Variants in RYR2 observed in about 807,000 individuals in gnomAD.
RYR2 encodes the protein ryanodine receptor 2, also known as cardiac muscle ryanodine receptor-calcium release channel.
A neutral mutation model predicts 601.1 loss-of-function variants in RYR2; 227 were observed. The observed-to-expected ratio is 0.38, with a 90% CI of 0.34 to 0.42. The LOEUF (loss-of-function observed/expected upper bound fraction) is 0.42. Among genes scored for constraint, RYR2 ranks in the 10% least tolerant of loss-of-function variants. RYR2 has a pLI of 1.00. For synonymous variants in RYR2, 2,223 were observed against 2,175.1 expected (o/e 1.02, Z -0.61); for missense variants, 4,646 against 6,156.5 (o/e 0.75, Z 8.21).
intron 46 of RYR2, among the ~76,000 whole-genome samples, chr1:237,639,711 A>G (rs1681261541): frequency 6.6e-6 from 1 of 152,168 alleles, no homozygotes; most frequent in South Asian, 2.1e-4. Flanking sequence ...TCTTACATTT[A>G]TCTGTAGGTA....
chr1:237,737,429 C>T (rs985963238), intron 79 of RYR2, among the ~76,000 whole-genome samples: 1 of 152,172 alleles, frequency 6.6e-6, no homozygotes, highest in Non-Finnish European at 1.5e-5. Flanking sequence ...ACCTCACCTG[C>T]GTAGTGTGTA....
At chr1:237,493,189 C>A in intron 19 of RYR2, 102 bp downstream of exon 19, 1 of 1,258,170 alleles carries the variant, frequency 7.9e-7, no homozygotes, top group Non-Finnish European at 1.1e-6. Context: ...TAAATTAGAC[C>A]ATATAGTATT....
Position 237,660,963 on chromosome 1 carries a change from G to C in RYR2, c.8436+16G>C. The C allele has an allele frequency of 7.3e-7, 1 of 1,360,918 alleles. No homozygotes were observed. Among genetic ancestry groups the C allele is most frequent in the Non-Finnish European group, 9.6e-7 (1 of 1,046,220 alleles). The allele number at this position is 1,360,918 out of a possible 1,614,324, so 84.3% of individuals were successfully genotyped here. ...GACAAGCCAGGTAAGAATTCATCACGGTGATGAATCAACTGTTTATGTTAT... is the reference window on the plus strand; with the variant it reads ...GACAAGCCAGGTAAGAATTCATCACCGTGATGAATCAACTGTTTATGTTAT... On this transcript the variant is annotated intron_variant, in intron 56 of 104. Transcript: ENST00000366574.
intron 1 of RYR2, among the ~76,000 whole-genome samples, chr1:237,200,066 A>G (rs150837493): frequency 2.0e-5 from 3 of 152,272 alleles, no homozygotes; most frequent in Non-Finnish European, 4.4e-5. Context: ...GTCTGTTACT[A>G]TCATCACTCT....
chr1:237,283,552 A>T (rs10802596), intron 2 of RYR2, among the ~76,000 whole-genome samples: 72,119 of 151,882 alleles, frequency 0.47, 19,136 homozygotes, highest in East Asian at 0.77. Flanking sequence ...TTTTGACTGG[A>T]TTTCCTTATT....
intron 17 of RYR2, 74 bp downstream of exon 17, chr1:237,469,261 A>C (rs1196455907): frequency 2.6e-5 from 14 of 542,574 alleles, no homozygotes; most frequent in South Asian, 6.5e-5. Context: ...TTTAAGACAA[A>C]AAAAAAAAAA....
chr1:237,082,045 C>A (rs1665751232), intron 1 of RYR2, among the ~76,000 whole-genome samples: 1 of 152,164 alleles, frequency 6.6e-6, no homozygotes, highest in Admixed American at 6.5e-5. Flanking sequence ...CCTAGTGACA[C>A]CCTGTGTCAG....
At chr1:237,203,724 A>G (rs1404568395) in intron 1 of RYR2, among the ~76,000 whole-genome samples, 4 of 152,208 alleles carry the variant, frequency 2.6e-5, no homozygotes, top group African/African-American at 7.2e-5. Flanking sequence ...AATTTACACA[A>G]AGGAAAATAT....
chr1:237,213,926 T>C (rs1259188920), intron 1 of RYR2, among the ~76,000 whole-genome samples: 2 of 141,012 alleles, frequency 1.4e-5, no homozygotes, highest in African/African-American at 2.6e-5. Flanking sequence ...TTTTTTTTTT[T>C]TTTTTTTTTT....
At chr1:237,457,955 C>G (rs949167895) in intron 16 of RYR2, among the ~76,000 whole-genome samples, 1 of 152,010 alleles carries the variant, frequency 6.6e-6, no homozygotes, top group Non-Finnish European at 1.5e-5. Context: ...TATATGAGGC[C>G]CCAGTTAACC....
intron 2 of RYR2, among the ~76,000 whole-genome samples, chr1:237,282,997 T>A (rs1041506212): frequency 2.0e-5 from 3 of 152,170 alleles, no homozygotes; most frequent in Non-Finnish European, 2.9e-5. Flanking sequence ...CTGTTGCCAC[T>A]TGCCAATTTG....
At chr1:237,817,853 A>G (rs1025312368) in intron 100 of RYR2, among the ~76,000 whole-genome samples, 2 of 152,212 alleles carry the variant, frequency 1.3e-5, no homozygotes, top group African/African-American at 2.4e-5. Context: ...GCAACTAACT[A>G]GGTTTTGAAT....
intron 90 of RYR2, 82 bp downstream of exon 90, chr1:237,785,054 C>CTAGTGCCAGAACGGTGT (rs1156724612): frequency 1.0e-6 from 1 of 1,003,016 alleles, no homozygotes; most frequent in Non-Finnish European, 1.5e-6. Flanking sequence ...AGGTTTCATG[C>CTAGTGCCAGAACGGTGT]TAGTGCCAGA....
At chr1:237,113,234 T>C (rs1669696820) in intron 1 of RYR2, among the ~76,000 whole-genome samples, 1 of 152,166 alleles carries the variant, frequency 6.6e-6, no homozygotes, top group East Asian at 1.9e-4. Context: ...AATCTCACTC[T>C]GTCGCCCAGA....
chr1:237,176,444 T>A (rs1275214659), intron 1 of RYR2, among the ~76,000 whole-genome samples: 6 of 151,764 alleles, frequency 4.0e-5, no homozygotes, highest in Non-Finnish European at 7.4e-5. Flanking sequence ...TAAACATGTA[T>A]GGTTCTTATG....
chr1:237,485,975 TGGA>T (rs547913536), intron 17 of RYR2, among the ~76,000 whole-genome samples: 113 of 152,134 alleles, frequency 7.4e-4, no homozygotes, highest in Non-Finnish European at 1.2e-3. Flanking sequence ...GAGGAGAAAC[TGGA>T]GGAGAGGATA....
chr1:237,687,366 C>CT (rs10679267), intron 62 of RYR2, 89 bp from the exon 63 acceptor site: 90,006 of 255,990 alleles, frequency 0.35, 13,478 homozygotes, highest in African/African-American at 0.53. Flanking sequence ...TTTTCTTCTT[C>CT]TTTTTTTTTT....
chr1:237,793,831 T>C (rs1264112044), intron 94 of RYR2, 36 bp from the exon 95 acceptor site: 1 of 1,522,112 alleles, frequency 6.6e-7, no homozygotes, highest in East Asian at 2.3e-5. Flanking sequence ...CCAGTAAATC[T>C]AAACTAATTT....
intron 1 of RYR2, among the ~76,000 whole-genome samples, chr1:237,145,526 T>C (rs1673912407): frequency 6.6e-6 from 1 of 152,222 alleles, no homozygotes; most frequent in African/African-American, 2.4e-5. Flanking sequence ...ATGGAATTAC[T>C]GGGCTGTTTT....
Sources: gnomAD v4.1 joint callset for allele counts (sites outside exome capture counted in the v4.1 genomes callset) on GRCh38, gnomAD v4.1.1 for gene constraint, MANE v1.5 for transcripts, NCBI Gene and HGNC (gene_info 2026-07-23, HGNC 2026-07-21) for gene names.